Variants in ERC2 observed in about 807,000 individuals in gnomAD.
The protein encoded by ERC2 is ELKS/RAB6-interacting/CAST family member 2.
Under a neutral mutation model 114.8 loss-of-function variants are expected in ERC2, and 42 were observed. The ratio of observed to expected loss-of-function variants is 0.37; its 90% CI spans 0.29 to 0.47. The LOEUF is 0.47. ERC2 is among the 20% of genes least tolerant of loss of function. The pLI is 0.99. For synonymous variants in ERC2, 454 were observed against 425.5 expected (o/e 1.07, Z -0.82); for missense variants, 939 against 1,150.7 (o/e 0.82, Z 2.66).
intron 17 of ERC2, among the ~76,000 whole-genome samples, chr3:55,597,119 T>C (rs1455465096): frequency 6.6e-6 from 1 of 152,128 alleles, no homozygotes; most frequent in Non-Finnish European, 1.5e-5. Context: ...TGCACTTCTG[T>C]GTTAAAAGAA....
In ERC2 at chr3:56,252,757, C is replaced by CAAAAAAAAA. The variant is rs71099628; in HGVS notation, c.1074+43253_1074+43261dup. On this transcript the variant is annotated intron_variant, in intron 3 of 17. Coordinates refer to ENST00000288221, the MANE Select transcript of ERC2 (RefSeq NM_015576.3). ...GGGCAACAAGAGCAAAACTCTGTCT[C>CAAAAAAAAA]AAAAAAAAAAAAAAAAAAAGACATG... 1.5e-3 allele frequency among the ~76,000 whole-genome samples: 113 copies of CAAAAAAAAA among 74,022 alleles called. 2 individuals are homozygous for CAAAAAAAAA. Among genetic ancestry groups the CAAAAAAAAA allele is most frequent in the African/African-American group, 3.7e-3 (65 of 17,448 alleles). The allele number at this position is 74,022 out of a possible 152,430, so 48.6% of individuals were successfully genotyped here. A position where few individuals can be genotyped will look rare whatever the true frequency, so the allele number is the denominator to read the frequency against.
At chr3:55,809,814 C>T (rs1208871886) in intron 14 of ERC2, among the ~76,000 whole-genome samples, 1 of 152,078 alleles carries the variant, frequency 6.6e-6, no homozygotes, top group Non-Finnish European at 1.5e-5. Flanking sequence ...TTTTTGATCC[C>T]CCAAACTGCA....
chr3:55,723,588 GA>G (rs1387292585), intron 15 of ERC2, among the ~76,000 whole-genome samples: 1 of 152,214 alleles, frequency 6.6e-6, no homozygotes, highest in South Asian at 2.1e-4. Context: ...ATAAAGTTGA[GA>G]AAGATTAAAG....
intron 6 of ERC2, among the ~76,000 whole-genome samples, chr3:56,096,199 A>G (rs1451032764): frequency 6.6e-6 from 1 of 152,260 alleles, no homozygotes; most frequent in East Asian, 1.9e-4. Flanking sequence ...ATGATACATT[A>G]TATATTCTAT....
chr3:55,994,490 T>A (rs960681101), intron 10 of ERC2, among the ~76,000 whole-genome samples: 1 of 152,028 alleles, frequency 6.6e-6, no homozygotes, highest in Non-Finnish European at 1.5e-5. Context: ...CTAAAAACCA[T>A]GAAAACTACA....
chr3:55,771,361 C>T (rs1052579819), intron 14 of ERC2, among the ~76,000 whole-genome samples: 4 of 152,168 alleles, frequency 2.6e-5, no homozygotes, highest in Non-Finnish European at 4.4e-5. Flanking sequence ...TTAGCAACAT[C>T]GATTGTGCTA....
chr3:55,923,417 T>C (rs894045983), intron 13 of ERC2, among the ~76,000 whole-genome samples: 5 of 152,096 alleles, frequency 3.3e-5, no homozygotes, highest in African/African-American at 9.7e-5. Context: ...TTAACAGATA[T>C]AGAGTTTCAG....
chr3:55,991,060 A>C (rs907863035), intron 11 of ERC2, among the ~76,000 whole-genome samples: 1 of 152,124 alleles, frequency 6.6e-6, no homozygotes, highest in Non-Finnish European at 1.5e-5. Context: ...ATGCCACTGC[A>C]CTCCAGCCTG....
In ERC2 at chr3:55,819,929, G is replaced by A. The variant is rs118166837; in HGVS notation, c.2564+68460C>T. Among the ~76,000 whole-genome samples, 301 of 152,314 alleles carry A rather than the reference G, an allele frequency of 2.0e-3. 9 individuals carry two copies. The East Asian group carries it at 0.055, about 28-fold the overall frequency. ...AGTTAATTACTTGCAGGTGCATTTT[G>A]GCTGCGTGCAATGGAGGGGGGTTCC... On this transcript the variant is annotated intron_variant, in intron 14 of 17. Transcript: ENST00000288221.
intron 14 of ERC2, among the ~76,000 whole-genome samples, chr3:55,747,428 A>C (rs2066378189): frequency 6.6e-6 from 1 of 152,222 alleles, no homozygotes; most frequent in South Asian, 2.1e-4. Flanking sequence ...ATAGATTGTC[A>C]AACCAAAGGG....
intron 6 of ERC2, among the ~76,000 whole-genome samples, chr3:56,086,248 C>A (rs2077495593): frequency 1.3e-5 from 2 of 152,098 alleles, no homozygotes; most frequent in African/African-American, 4.8e-5. Flanking sequence ...ACAACCCTAG[C>A]CATGAGAATA....
chr3:55,981,720 C>T (rs1382487490), intron 12 of ERC2, among the ~76,000 whole-genome samples: 8 of 152,204 alleles, frequency 5.3e-5, no homozygotes, highest in Admixed American at 3.9e-4. Flanking sequence ...TTTTCTTGAA[C>T]TTACAAGCAT....
At chr3:56,297,824 C>T (rs1162685895) in intron 2 of ERC2, among the ~76,000 whole-genome samples, 2 of 152,158 alleles carry the variant, frequency 1.3e-5, no homozygotes, top group African/African-American at 4.8e-5. Flanking sequence ...TTTCTGAATT[C>T]CTATAGCTGA....
chr3:56,268,230 A>G (rs2053448259), intron 3 of ERC2, among the ~76,000 whole-genome samples: 1 of 152,218 alleles, frequency 6.6e-6, no homozygotes, highest in South Asian at 2.1e-4. Context: ...GTCCAGTAAT[A>G]TGCTGTACAA....
chr3:56,123,766 T>C (rs2079720819), intron 6 of ERC2, among the ~76,000 whole-genome samples: 1 of 152,202 alleles, frequency 6.6e-6, no homozygotes, highest in African/African-American at 2.4e-5. Flanking sequence ...CATTGTACTG[T>C]GTCTCCTCTG....
At chr3:55,715,215 C>T (rs1268199311) in intron 15 of ERC2, among the ~76,000 whole-genome samples, 1 of 152,100 alleles carries the variant, frequency 6.6e-6, no homozygotes, top group Non-Finnish European at 1.5e-5. Context: ...TTCCCAAGAC[C>T]CTGTCAGGCT....
intron 4 of ERC2, among the ~76,000 whole-genome samples, chr3:56,152,290 T>TA (rs1447396978): frequency 3.3e-5 from 5 of 152,094 alleles, no homozygotes; most frequent in African/African-American, 1.2e-4. Flanking sequence ...AGTCAATTCC[T>TA]GAAAAAAAAT....
At chr3:56,318,185 T>C (rs760854299) in intron 2 of ERC2, among the ~76,000 whole-genome samples, 1 of 152,198 alleles carries the variant, frequency 6.6e-6, no homozygotes, top group Non-Finnish European at 1.5e-5. Flanking sequence ...AAAATGTATG[T>C]CTGTCTCTCT....
intron 6 of ERC2, among the ~76,000 whole-genome samples, chr3:56,111,975 T>C (rs2078983995): frequency 6.6e-6 from 1 of 152,210 alleles, no homozygotes; most frequent in African/African-American, 2.4e-5. Flanking sequence ...CTGTACTAAT[T>C]CTCTGTAACT....
Sources: allele counts gnomAD v4.1 joint callset (sites outside exome capture counted in the v4.1 genomes callset), GRCh38; gene constraint gnomAD v4.1.1; transcripts MANE v1.5; gene names NCBI Gene and HGNC (gene_info 2026-07-23, HGNC 2026-07-21).